PLEKHA6: variants seen among roughly 807,000 people sequenced by gnomAD.
PLEKHA6 encodes the protein pleckstrin homology domain containing A6, also known as pleckstrin homology domain-containing family A member 6.
A neutral mutation model predicts 116.7 loss-of-function variants in PLEKHA6; 60 were observed. The ratio of observed to expected loss-of-function variants is 0.51; its 90% CI spans 0.42 to 0.64. PLEKHA6 has a LOEUF of 0.64. Ranked by LOEUF, PLEKHA6 falls within the 30% of genes least tolerant of loss-of-function variation. PLEKHA6 has a pLI of 0.00. For missense variants in PLEKHA6, 1,338 were observed against 1,422.7 expected (o/e 0.94, Z 0.96); for synonymous variants, 489 against 556.1 (o/e 0.88, Z 1.70).
chr1:204,308,262 G>T (rs1671475170), intron 1 of PLEKHA6, among the ~76,000 whole-genome samples: 1 of 152,206 alleles, frequency 6.6e-6, no homozygotes, highest in Non-Finnish European at 1.5e-5. Flanking sequence ...AAAATAAGAG[G>T]CTTACAAGTC....
In PLEKHA6 at chr1:204,259,227, C is replaced by T. The variant is rs1245866658; in HGVS notation, c.1007+31G>A. On this transcript the variant is annotated intron_variant, in intron 8 of 22. Transcript: ENST00000272203. The surrounding 1 kb of genome is among the most constrained non-coding windows in gnomAD (Gnocchi z 4.6). Reference sequence around the variant, plus strand: ...GCACGCTCTAGCCATAATACCATATCAGCCCCACCCCAGCCGCCGGCATGC... The same window carrying T: ...GCACGCTCTAGCCATAATACCATATTAGCCCCACCCCAGCCGCCGGCATGC... 1 of 1,604,382 alleles carries T rather than the reference C, an allele frequency of 6.2e-7. No individual in the cohort carries two copies.
Position 204,228,703 on chromosome 1 carries a change from G to A in PLEKHA6, c.2885+25C>T, listed in dbSNP as rs1660728027. 2 of 1,610,828 alleles carry A rather than the reference G, an allele frequency of 1.2e-6. No homozygotes were observed. The highest frequency in any genetic ancestry group is 1.7e-6 in the Non-Finnish European group (2 of 1,177,038). ...CTAGGTGCCAGGGTGAGCAGAGGAA[G>A]TAGAGGCTCACCCAGGCTGGTTACC... is the stretch of plus-strand genomic sequence containing the variant. On this transcript the variant is annotated intron_variant, in intron 20 of 22. Transcript: ENST00000272203. The surrounding 1 kb of genome is among the most constrained non-coding windows in gnomAD (Gnocchi z 4.0).
chr1:204,228,094 C>A lies in PLEKHA6; in HGVS notation c.3020G>T (p.Arg1007Leu). The A allele has an allele frequency of 6.2e-7, 1 of 1,611,992 alleles. No individual in the cohort carries two copies. The highest frequency in any genetic ancestry group is 2.2e-5 in the East Asian group (1 of 44,806). The change falls in exon 21 of 23, where the codon CGC becomes CTC. Residue 1007 changes from arginine to leucine, a missense_variant. Physicochemically the swap from Arg to Leu is moderately radical, Grantham distance 102 (BLOSUM62 -2). This residue lies in a region of PLEKHA6 where 1,136 missense variants were observed against 1,163.6 expected (regional missense o/e 0.98). Coordinates refer to ENST00000272203, the MANE Select transcript of PLEKHA6 (RefSeq NM_014935.5). This position sits in a 1 kb window ranked among gnomAD's most constrained non-coding sequence, Gnocchi z 4.0. ...ALATEASRRG[R>L]MLSVQCATPS... ...CCAGCCCCTCTCACCAGACAGCATG[C>A]GGCCCCTGCGGGAGGCCTCGGTCGC...
intron 1 of PLEKHA6, among the ~76,000 whole-genome samples, chr1:204,337,454 TG>T (rs1672689004): frequency 6.6e-6 from 1 of 152,204 alleles, no homozygotes; most frequent in African/African-American, 2.4e-5. Flanking sequence ...TCATTCTGAA[TG>T]GGGCTCCTAC....
At chr1:204,234,364 C>T (rs762062082) in intron 17 of PLEKHA6, among the ~76,000 whole-genome samples, 2 of 152,136 alleles carry the variant, frequency 1.3e-5, no homozygotes, top group Non-Finnish European at 2.9e-5. Context: ...CTTCTAGCCT[C>T]CACAACTGTG....
At chr1:204,363,584 A>T (rs1448569526), upstream of PLEKHA6, among the ~76,000 whole-genome samples, 1 of 152,108 alleles carries the variant, frequency 6.6e-6, no homozygotes, top group African/African-American at 2.4e-5. Flanking sequence ...GGCCAGTTTC[A>T]CCGGCGGCGG....
chr1:204,276,306 G>GCT (rs1572025556), intron 1 of PLEKHA6, among the ~76,000 whole-genome samples: 1 of 152,156 alleles, frequency 6.6e-6, no homozygotes, highest in African/African-American at 2.4e-5. Flanking sequence ...TCTGAGTCTA[G>GCT]CACGTTGATA....
intron 1 of PLEKHA6, among the ~76,000 whole-genome samples, chr1:204,325,612 C>T (rs916816154): frequency 2.0e-5 from 3 of 152,322 alleles, no homozygotes; most frequent in Admixed American, 2.0e-4. Flanking sequence ...GGGCAAGTAC[C>T]TGCCTCGCTG....
At chr1:204,333,796 T>A (rs1360252397) in intron 1 of PLEKHA6, among the ~76,000 whole-genome samples, 1 of 152,178 alleles carries the variant, frequency 6.6e-6, no homozygotes, top group Admixed American at 6.5e-5. Flanking sequence ...GAGAGCTCCT[T>A]CTCAGGCTAT....
intron 21 of PLEKHA6, among the ~76,000 whole-genome samples, chr1:204,225,694 C>T (rs1416130242): frequency 2.0e-5 from 3 of 152,326 alleles, no homozygotes; most frequent in African/African-American, 7.2e-5. Context: ...GCTCCAACAC[C>T]TTACCATATA....
At chr1:204,361,803 T>TG (rs552830569), upstream of PLEKHA6, among the ~76,000 whole-genome samples, 2 of 152,100 alleles carry the variant, frequency 1.3e-5, no homozygotes, top group Non-Finnish European at 2.9e-5. Context: ...GAGGGGCTCT[T>TG]GGGGGTCTCT....
intron 1 of PLEKHA6, among the ~76,000 whole-genome samples, chr1:204,288,794 A>G (rs1282227286): frequency 6.6e-6 from 1 of 152,136 alleles, no homozygotes; most frequent in Non-Finnish European, 1.5e-5. Flanking sequence ...AGAAGTTTGG[A>G]GAGCAGCACT....
At chr1:204,279,228 G>T (rs1212157128) in intron 1 of PLEKHA6, among the ~76,000 whole-genome samples, 1 of 152,170 alleles carries the variant, frequency 6.6e-6, no homozygotes, top group Non-Finnish European at 1.5e-5. Flanking sequence ...TGCTTAAGCT[G>T]CAAGTTAAAT....
At position 204,259,258 on chromosome 1, in the gene PLEKHA6, C is replaced by T. The variant is rs946374162; in HGVS notation, c.1007G>A (p.Ser336Asn). The change falls in exon 8 of 23, where the codon AGT becomes AAT. Residue 336 changes from serine (S) to asparagine (N), a missense_variant and splice_region_variant. By Grantham distance (46) the Ser-to-Asn change is conservative. This residue lies in a region of PLEKHA6 where 1,136 missense variants were observed against 1,163.6 expected (regional missense o/e 0.98). Coordinates refer to ENST00000272203, the MANE Select transcript of PLEKHA6 (RefSeq NM_014935.5). The surrounding 1 kb of genome is among the most constrained non-coding windows in gnomAD (Gnocchi z 4.6). ...RGVPPPEDLR[S>N]PSRFYPVSRR... The stretch of plus-strand genomic sequence containing the variant: ...CACCCCAGCCGCCGGCATGCCTCAC[C>T]TCCGAAGGTCTTCAGGCGGGGGTAC... 1 of 1,613,044 alleles carries T rather than the reference C, an allele frequency of 6.2e-7. No individual in the cohort carries two copies. The highest frequency in any genetic ancestry group is 1.3e-5 in the African/African-American group (1 of 74,936).
chr1:204,307,964 A>T (rs1671457906), intron 1 of PLEKHA6: 1 of 871,712 alleles, frequency 1.1e-6, no homozygotes, highest in Non-Finnish European at 1.4e-6. Context: ...ATTAGGGAAT[A>T]TTCTCCTAAG....
intron 21 of PLEKHA6, among the ~76,000 whole-genome samples, chr1:204,224,616 G>T (rs964960884): frequency 6.6e-6 from 1 of 152,132 alleles, no homozygotes; most frequent in Admixed American, 6.5e-5. Flanking sequence ...TGTAGTTCTC[G>T]CATGGATGTG....
intron 7 of PLEKHA6, among the ~76,000 whole-genome samples, chr1:204,260,153 G>T (rs1665925816): frequency 6.6e-6 from 1 of 152,158 alleles, no homozygotes; most frequent in Non-Finnish European, 1.5e-5. Flanking sequence ...AACTGTCCTT[G>T]ATACTCCAGT....
chr1:204,254,466 A>T (rs1034373119), intron 9 of PLEKHA6, among the ~76,000 whole-genome samples: 3 of 152,136 alleles, frequency 2.0e-5, no homozygotes, highest in African/African-American at 7.2e-5. Flanking sequence ...CTGTAACTTT[A>T]AGAGCATGAA....
At chr1:204,337,720 G>A (rs1174877920) in intron 1 of PLEKHA6, among the ~76,000 whole-genome samples, 4 of 152,172 alleles carry the variant, frequency 2.6e-5, no homozygotes, top group African/African-American at 7.2e-5. Flanking sequence ...CTCACTTGGG[G>A]GGGGAATCCA....
Sources: allele counts gnomAD v4.1 joint callset (sites outside exome capture counted in the v4.1 genomes callset), GRCh38; gene constraint gnomAD v4.1.1; regional missense constraint gnomAD v4.1.1; non-coding constraint Gnocchi (gnomAD v3.1); transcripts MANE v1.5; gene names NCBI Gene and HGNC (gene_info 2026-07-23, HGNC 2026-07-21).